Variants in ELK3 observed in about 807,000 individuals in gnomAD.
ELK3 encodes ETS transcription factor ELK3.
In ELK3, 10 loss-of-function variants were observed where a neutral mutation model predicts 28.9. The observed-to-expected ratio is 0.35, with a 90% confidence interval of 0.21 to 0.59. The LOEUF is 0.59. ELK3 is among the 20% of genes least tolerant of loss of function. ELK3 has a pLI of 0.82. For synonymous variants in ELK3, 272 were observed against 243.5 expected, an observed-to-expected ratio of 1.12 and a Z score of -1.09; for missense variants, 463 against 517.3, an observed-to-expected ratio of 0.90 and a Z score of 1.02.
chr12:96,240,884 C>T (rs1951816369), intron 2 of ELK3, among the ~76,000 whole-genome samples: 1 of 152,212 alleles, frequency 6.6e-6, no homozygotes, highest in Non-Finnish European at 1.5e-5. Flanking sequence ...ACTCCAGATG[C>T]ATAACCTTGG....
intron 2 of ELK3, among the ~76,000 whole-genome samples, chr12:96,242,944 C>T (rs759208174): frequency 6.6e-6 from 1 of 152,130 alleles, no homozygotes; most frequent in Non-Finnish European, 1.5e-5. Context: ...TCTCCATCCC[C>T]GTCACTGCGT....
At chr12:96,198,496 C>T (rs771423075) in intron 1 of ELK3, among the ~76,000 whole-genome samples, 3 of 152,150 alleles carry the variant, frequency 2.0e-5, no homozygotes, top group Non-Finnish European at 4.4e-5. Flanking sequence ...GAAGGGGACT[C>T]CATTTTTGTT....
chr12:96,216,240 G>C (rs75408774), intron 1 of ELK3, among the ~76,000 whole-genome samples: 1,567 of 152,142 alleles, frequency 0.01, 33 homozygotes, highest in African/African-American at 0.035. Context: ...TCTCCTTCCT[G>C]CTCCAGAGAA....
At chr12:96,214,388 A>G (rs1951596058) in intron 1 of ELK3, among the ~76,000 whole-genome samples, 1 of 152,040 alleles carries the variant, frequency 6.6e-6, no homozygotes, top group Non-Finnish European at 1.5e-5. Flanking sequence ...CCGAGATCAC[A>G]CCACTGTGCT....
chr12:96,206,816 A>G (rs1951541085), intron 1 of ELK3, among the ~76,000 whole-genome samples: 1 of 152,212 alleles, frequency 6.6e-6, no homozygotes, highest in Admixed American at 6.5e-5. Flanking sequence ...TTTGATGTTA[A>G]TGCCACCAAC....
intron 3 of ELK3, among the ~76,000 whole-genome samples, chr12:96,257,337 GT>G (rs1405107181): frequency 1.3e-5 from 2 of 152,158 alleles, no homozygotes; most frequent in Non-Finnish European, 2.9e-5. Context: ...ATTTTACAGT[GT>G]TTATTTGCAT....
intron 1 of ELK3, among the ~76,000 whole-genome samples, chr12:96,196,747 G>GTTTTTTTTTTTTTTTT (rs56206854): frequency 7.3e-6 from 1 of 137,240 alleles, no homozygotes; most frequent in African/African-American, 2.7e-5. Flanking sequence ...CTCTAAAAGT[G>GTTTTTTTTTTTTTTTT]TTTTTTTTTT....
intron 1 of ELK3, among the ~76,000 whole-genome samples, chr12:96,206,993 G>A (rs1190918452): frequency 6.6e-6 from 1 of 152,158 alleles, no homozygotes; most frequent in Non-Finnish European, 1.5e-5. Context: ...TGAAATATGA[G>A]GCATTATGAG....
intron 2 of ELK3, among the ~76,000 whole-genome samples, chr12:96,226,698 G>A (rs549155431): frequency 1.0e-4 from 15 of 150,352 alleles, no homozygotes; most frequent in African/African-American, 2.3e-4. Flanking sequence ...ATGTGCACAC[G>A]CATACATGTA....
intron 2 of ELK3, among the ~76,000 whole-genome samples, chr12:96,226,420 A>G (rs1245728269): frequency 6.6e-6 from 1 of 152,240 alleles, no homozygotes; most frequent in African/African-American, 2.4e-5. Context: ...CTTTCCTTCT[A>G]CAGATATACC....
chr12:96,196,385 A>G (rs901614646), intron 1 of ELK3, among the ~76,000 whole-genome samples: 2 of 146,484 alleles, frequency 1.4e-5, no homozygotes, highest in African/African-American at 2.6e-5. Flanking sequence ...CAGCTCACAC[A>G]CACCCATCTT....
chr12:96,196,721 G>A (rs1008941512), intron 1 of ELK3, among the ~76,000 whole-genome samples: 1 of 148,626 alleles, frequency 6.7e-6, no homozygotes, highest in African/African-American at 2.5e-5. Flanking sequence ...GCCAAATATA[G>A]CAAAGGCCTT....
chr12:96,219,987 G>A (rs920353883), intron 1 of ELK3, among the ~76,000 whole-genome samples: 15 of 152,118 alleles, frequency 9.9e-5, no homozygotes, highest in Non-Finnish European at 2.1e-4. Flanking sequence ...AGTCACCTCC[G>A]CCGGAGCAGT....
intron 1 of ELK3, among the ~76,000 whole-genome samples, chr12:96,203,132 C>T (rs756870733): frequency 6.6e-6 from 1 of 152,176 alleles, no homozygotes; most frequent in African/African-American, 2.4e-5. Context: ...CCACCCGCCT[C>T]AGCTTCCCAA....
At chr12:96,245,282 C>G (rs1166320070) in intron 2 of ELK3, among the ~76,000 whole-genome samples, 1 of 152,210 alleles carries the variant, frequency 6.6e-6, no homozygotes, top group African/African-American at 2.4e-5. Context: ...GGCACATCAA[C>G]ATTCAGTTGA....
At chr12:96,200,472 A>T (rs981102027) in intron 1 of ELK3, among the ~76,000 whole-genome samples, 3 of 152,058 alleles carry the variant, frequency 2.0e-5, no homozygotes, top group Non-Finnish European at 4.4e-5. Context: ...ACCCAAAGAG[A>T]CAATATTTCC....
rs1476908572 is a variant in ELK3, at chr12:96,194,717, G to C, written c.-3+12G>C. The C allele has an allele frequency of 6.7e-6, 1 of 150,044 alleles. No individual in the cohort carries two copies. Among genetic ancestry groups the C allele is most frequent in the Non-Finnish European group, 1.5e-5 (1 of 67,554 alleles). 9.3% of individuals were successfully genotyped at this position (150,044 alleles called of 1,614,324 possible). The stretch of plus-strand genomic sequence containing the variant: ...TCCCCCACATCTGGGTAGGTAACAG[G>C]GCTTCTGCCTGTTGCTCGGACACTT... On this transcript the variant is annotated intron_variant, in intron 1 of 4. Transcript: ENST00000228741.
chr12:96,247,164 G>A lies in ELK3; in HGVS notation c.432G>A (p.Ser144=), dbSNP rs377633718. 19 of 1,614,008 alleles carry A rather than the reference G, an allele frequency of 1.2e-5. No individual in the cohort carries two copies. Among genetic ancestry groups the A allele is most frequent in the East Asian group, 6.7e-5 (3 of 44,862 alleles). The change falls in exon 3 of 5, where the codon TCG becomes TCA. Residue 144 remains serine (S), a synonymous_variant. Coordinates refer to ENST00000228741, the MANE Select transcript of ELK3 (RefSeq NM_005230.4). The surrounding 1 kb of genome is among the most constrained non-coding windows in gnomAD (Gnocchi z 5.5). Reference sequence around the variant, plus strand: ...AATACATCCACTCAGGCCTGTACTCGTCCTTCACCATTAATTCCCTGCAGA... The same window carrying A: ...AATACATCCACTCAGGCCTGTACTCATCCTTCACCATTAATTCCCTGCAGA... The part of the protein sequence containing the change: ...RNEYIHSGLY[S]SFTINSLQNP...
At chr12:96,236,794 C>G (rs1041375622) in intron 2 of ELK3, among the ~76,000 whole-genome samples, 1 of 152,182 alleles carries the variant, frequency 6.6e-6, no homozygotes, top group Non-Finnish European at 1.5e-5. Flanking sequence ...AACAAATGAC[C>G]CCAAACTTGG....
Sources: allele counts gnomAD v4.1 joint callset (sites outside exome capture counted in the v4.1 genomes callset), GRCh38; gene constraint gnomAD v4.1.1; non-coding constraint Gnocchi (gnomAD v3.1); transcripts MANE v1.5; gene names NCBI Gene and HGNC (gene_info 2026-07-23, HGNC 2026-07-21).